Variants in MEF2A observed in about 807,000 individuals in gnomAD.
MEF2A encodes the protein myocyte enhancer factor 2A, also known as myocyte-specific enhancer factor 2A.
In MEF2A, 28 loss-of-function variants were observed where a neutral mutation model predicts 55.8. That is an observed-to-expected ratio of 0.50 (90% CI 0.37 to 0.69). MEF2A has a LOEUF of 0.69. Ranked by LOEUF, MEF2A falls within the 30% of genes least tolerant of loss-of-function variation. MEF2A has a pLI of 0.00. For synonymous variants in MEF2A, 239 were observed against 227.1 expected, an observed-to-expected ratio of 1.05 and a Z score of -0.47; for missense variants, 528 against 626.2, an observed-to-expected ratio of 0.84 and a Z score of 1.67.
chr15:99,624,173 CAGA>C (rs750128345), intron 2 of MEF2A, among the ~76,000 whole-genome samples: 1 of 152,138 alleles, frequency 6.6e-6, no homozygotes, highest in Non-Finnish European at 1.5e-5. Flanking sequence ...GTTTGATGCA[CAGA>C]AGTTTTTAAT....
chr15:99,712,824 A>G lies in MEF2A; in HGVS notation c.*53A>G, dbSNP rs908963461. The G allele has an allele frequency of 2.6e-6, 4 of 1,517,120 alleles. No individual in the cohort carries two copies. Among genetic ancestry groups the G allele is most frequent in the African/African-American group, 2.8e-5 (2 of 72,084 alleles). The allele number at this position is 1,517,120 out of a possible 1,614,324, so 94.0% of individuals were successfully genotyped here. ...GTGTTACTGCAGTGACCTGCCCTAC[A>G]TATCTAAATCGGTAAATAAGGACAT... On this transcript the variant is annotated 3_prime_UTR_variant, in exon 12 of 12. Coordinates refer to ENST00000557942, the MANE Select transcript of MEF2A (RefSeq NM_001319206.4). This position sits in a 1 kb window ranked among gnomAD's most constrained non-coding sequence, Gnocchi z 4.1.
intron 2 of MEF2A, among the ~76,000 whole-genome samples, chr15:99,600,945 G>T (rs1244494082): frequency 1.3e-5 from 2 of 152,064 alleles, no homozygotes; most frequent in African/African-American, 4.8e-5. Flanking sequence ...AGCCTAACAG[G>T]ATCTTGATTA....
intron 3 of MEF2A, among the ~76,000 whole-genome samples, chr15:99,644,728 G>A (rs2045655931): frequency 6.6e-6 from 1 of 152,174 alleles, no homozygotes; most frequent in Non-Finnish European, 1.5e-5. Context: ...GAAGTTTTAG[G>A]TTCACAACAG....
chr15:99,601,510 G>GTTTT (rs34835966), intron 2 of MEF2A, among the ~76,000 whole-genome samples: 1 of 113,874 alleles, frequency 8.8e-6, no homozygotes, highest in Non-Finnish European at 1.8e-5. Flanking sequence ...CTTGGTCAGA[G>GTTTT]TTTTTTTTTT....
At chr15:99,642,644 C>A (rs1229848097) in intron 3 of MEF2A, among the ~76,000 whole-genome samples, 1 of 152,114 alleles carries the variant, frequency 6.6e-6, no homozygotes, top group Admixed American at 6.5e-5. Flanking sequence ...AAATAGCTTT[C>A]CTATAAAATT....
intron 5 of MEF2A, 190 bp downstream of exon 5, chr15:99,671,644 A>G: frequency 1.3e-6 from 2 of 1,582,224 alleles, no homozygotes; most frequent in Non-Finnish European, 1.7e-6. Flanking sequence ...ATGATGCGGA[A>G]TCATAAAATC....
At chr15:99,616,588 G>GT (rs1222007911) in intron 2 of MEF2A, among the ~76,000 whole-genome samples, 1 of 152,158 alleles carries the variant, frequency 6.6e-6, no homozygotes, top group Non-Finnish European at 1.5e-5. Context: ...AGTATTAACA[G>GT]TGTAGCTCCT....
intron 3 of MEF2A, among the ~76,000 whole-genome samples, chr15:99,634,829 T>C (rs1459099580): frequency 6.6e-6 from 1 of 152,238 alleles, no homozygotes; most frequent in African/African-American, 2.4e-5. Flanking sequence ...GGGCAAGGAC[T>C]ATCTGAATTT....
chr15:99,699,067 AAAAC>A (rs1282741994), intron 8 of MEF2A, among the ~76,000 whole-genome samples: 43 of 151,824 alleles, frequency 2.8e-4, no homozygotes, highest in African/African-American at 8.7e-4. Flanking sequence ...TAAAAAAAAA[AAAAC>A]AAAAAAAACT....
intron 9 of MEF2A, among the ~76,000 whole-genome samples, chr15:99,703,811 C>T (rs2057712811): frequency 1.3e-5 from 2 of 152,106 alleles, no homozygotes; most frequent in Non-Finnish European, 2.9e-5. Flanking sequence ...TTGGTGAGGT[C>T]ACCTTTTTCA....
intron 3 of MEF2A, among the ~76,000 whole-genome samples, chr15:99,641,072 G>A (rs777754900): frequency 6.6e-6 from 1 of 152,084 alleles, no homozygotes; most frequent in Non-Finnish European, 1.5e-5. Flanking sequence ...ATGGGTTAGC[G>A]GGTCCCAGCC....
chr15:99,695,224 A>T (rs1349105836), intron 8 of MEF2A, among the ~76,000 whole-genome samples: 1 of 152,170 alleles, frequency 6.6e-6, no homozygotes, highest in African/African-American at 2.4e-5. Flanking sequence ...TAGCACATGT[A>T]AAAATAAAAT....
At chr15:99,672,691 A>G (rs2051119431) in intron 5 of MEF2A, among the ~76,000 whole-genome samples, 1 of 152,034 alleles carries the variant, frequency 6.6e-6, no homozygotes, top group South Asian at 2.1e-4. Flanking sequence ...CAGATTTGGG[A>G]TTTTTTTCAA....
intron 7 of MEF2A, among the ~76,000 whole-genome samples, chr15:99,683,775 G>A (rs952026442): frequency 6.6e-5 from 10 of 151,600 alleles, no homozygotes; most frequent in Non-Finnish European, 1.0e-4. Context: ...TTTGTTGCAT[G>A]GAAAAATTCT....
At chr15:99,671,173 G>A in intron 4 of MEF2A, 150 bp from the exon 5 acceptor site, 1 of 645,672 alleles carries the variant, frequency 1.5e-6, no homozygotes, top group Non-Finnish European at 2.5e-6. Context: ...CTTATTTGAA[G>A]AAGTAAGTAC....
rs190845414 is a variant in MEF2A at position 99,662,773 on chromosome 15, C to T, written c.259-8550C>T. 9.3e-3 allele frequency among the ~76,000 whole-genome samples: 1,419 copies of T among 152,230 alleles called. 15 individuals are homozygous for T. The highest frequency in any genetic ancestry group is 0.016 in the Admixed American group (249 of 15,276). Reference sequence around the variant, plus strand: ...GATTACAGGCATGAGCCACCGCGCCCGGCCCAAGCCATGATTTCTTTATTT... The same window carrying T: ...GATTACAGGCATGAGCCACCGCGCCTGGCCCAAGCCATGATTTCTTTATTT... On this transcript the variant is annotated intron_variant, in intron 4 of 11. Transcript: ENST00000557942.
At position 99,671,351 on chromosome 15, in the gene MEF2A, G is replaced by A. The variant is rs905792439; in HGVS notation, c.287G>A (p.Cys96Tyr). Residue 96 changes from cysteine to tyrosine, a missense_variant, in exon 5 of 12, where the codon TGT becomes TAT. Coordinates refer to ENST00000557942, the MANE Select transcript of MEF2A (RefSeq NM_001319206.4). ...ETLRKKGLNG[C>Y]ESPDADDYFE... ...TTAAGAAAGAAAGGCCTTAATGGTT[G>A]TGAGAGCCCTGATGCTGACGATTAC... 1.9e-6 allele frequency: 3 copies of A among 1,612,318 alleles called. No homozygotes were observed. Among genetic ancestry groups the A allele is most frequent in the Non-Finnish European group, 2.5e-6 (3 of 1,178,522 alleles).
At chr15:99,632,388 AG>A (rs1252952346) in intron 2 of MEF2A, among the ~76,000 whole-genome samples, 1 of 152,222 alleles carries the variant, frequency 6.6e-6, no homozygotes, top group Non-Finnish European at 1.5e-5. Flanking sequence ...GCTGGAGGCT[AG>A]GGCAATTTGC....
At chr15:99,660,099 G>A (rs2048375112) in intron 4 of MEF2A, among the ~76,000 whole-genome samples, 1 of 152,156 alleles carries the variant, frequency 6.6e-6, no homozygotes, top group Admixed American at 6.5e-5. Flanking sequence ...TAGGAGAGTT[G>A]CAAAGATAAT....
Sources: gnomAD v4.1 joint callset for allele counts (sites outside exome capture counted in the v4.1 genomes callset) on GRCh38, gnomAD v4.1.1 for gene constraint, Gnocchi (gnomAD v3.1) non-coding constraint, MANE v1.5 for transcripts, NCBI Gene and HGNC (gene_info 2026-07-23, HGNC 2026-07-21) for gene names.